CUL2: variants seen among roughly 807,000 people sequenced by gnomAD.
CUL2 encodes the protein cullin-2.
CUL2 carries 22 observed loss-of-function variants against 110.2 expected under a neutral mutation model. That is an observed-to-expected ratio of 0.20 (90% CI 0.14 to 0.28). The LOEUF is 0.28. CUL2 is among the 10% of genes least tolerant of loss of function. The pLI is 1.00. For missense variants in CUL2, 631 were observed against 905.5 expected, an observed-to-expected ratio of 0.70 and a Z score of 3.89; for synonymous variants, 279 against 293.2, an observed-to-expected ratio of 0.95 and a Z score of 0.49.
chr10:35,123,511 T>G (rs2087702087), intron 1 of CUL2, among the ~76,000 whole-genome samples: 2 of 152,198 alleles, frequency 1.3e-5, no homozygotes, highest in South Asian at 2.1e-4. Flanking sequence ...TGGATGCAAG[T>G]TTCTACAGGC....
At chr10:35,076,045 A>G (rs927567486) in intron 1 of CUL2, among the ~76,000 whole-genome samples, 1 of 152,184 alleles carries the variant, frequency 6.6e-6, no homozygotes, top group Non-Finnish European at 1.5e-5. Flanking sequence ...CAACTGATAA[A>G]TGGTTAAAAT....
chr10:35,022,431 T>C (rs2085225455), intron 17 of CUL2, among the ~76,000 whole-genome samples: 1 of 152,146 alleles, frequency 6.6e-6, no homozygotes, highest in Admixed American at 6.5e-5. Flanking sequence ...AGAAATAGAC[T>C]AGGCAAGAAT....
chr10:35,106,750 G>T (rs1489661980), intron 1 of CUL2, among the ~76,000 whole-genome samples: 1 of 152,108 alleles, frequency 6.6e-6, no homozygotes, highest in African/African-American at 2.4e-5. Flanking sequence ...AATTATGTCT[G>T]CATTGCCCTT....
At position 35,071,198 on chromosome 10, in the gene CUL2, C is replaced by T; in HGVS notation, c.119+1G>A. On this transcript the variant is annotated splice_donor_variant, in intron 2 of 20. Coordinates refer to ENST00000374749, the MANE Select transcript of CUL2 (RefSeq NM_003591.4). LOFTEE classifies it high-confidence loss of function. ...TGATCAAGCTGCCATTAAAAGGATA[C>T]GAGAAACGGTCATTCCATGTTGCTC... 6.2e-7 allele frequency: 1 copy of T among 1,612,474 alleles called. No individual in the cohort carries two copies. The highest frequency in any genetic ancestry group is 8.5e-7 in the Non-Finnish European group (1 of 1,179,090).
intron 8 of CUL2, among the ~76,000 whole-genome samples, chr10:35,041,952 A>G (rs937492739): frequency 2.6e-5 from 4 of 152,224 alleles, no homozygotes; most frequent in African/African-American, 9.6e-5. Context: ...ACCCATTTAA[A>G]GTGTGCAATT....
At chr10:35,060,544 T>A (rs1228021906) in intron 4 of CUL2, among the ~76,000 whole-genome samples, 2 of 152,236 alleles carry the variant, frequency 1.3e-5, no homozygotes, top group Non-Finnish European at 2.9e-5. Flanking sequence ...GCTGAGATTT[T>A]CCCACTAAGT....
At chr10:35,020,650 C>G (rs1252349485) in intron 17 of CUL2, among the ~76,000 whole-genome samples, 1 of 152,134 alleles carries the variant, frequency 6.6e-6, no homozygotes, top group Non-Finnish European at 1.5e-5. Flanking sequence ...AGCAACTGAC[C>G]AGCAATCTCT....
At chr10:35,095,663 A>C (rs1278867984) in intron 2 of CUL2, among the ~76,000 whole-genome samples, 1 of 152,080 alleles carries the variant, frequency 6.6e-6, no homozygotes, top group Non-Finnish European at 1.5e-5. Flanking sequence ...GGTTCAAGCC[A>C]TTCTCATGCC....
intron 19 of CUL2, among the ~76,000 whole-genome samples, chr10:35,012,915 C>T (rs1564692112): frequency 6.6e-6 from 1 of 152,124 alleles, no homozygotes; most frequent in Non-Finnish European, 1.5e-5. Flanking sequence ...AAGTCCCCTC[C>T]TCACACTGGC....
At chr10:35,044,896 C>A in intron 6 of CUL2, 28 bp from the exon 7 acceptor site, 1 of 1,525,590 alleles carries the variant, frequency 6.6e-7, no homozygotes, top group South Asian at 1.2e-5. Context: ...ACAAAATATT[C>A]TTGAGAATAC....
chr10:35,106,488 TTTTTTTTTTC>T (rs1019284326), intron 1 of CUL2, among the ~76,000 whole-genome samples: 25 of 106,400 alleles, frequency 2.3e-4, no homozygotes, highest in African/African-American at 7.6e-4. Flanking sequence ...CCCGGCTAAT[TTTTTTTTTTC>T]TTTTTTTTTC....
At chr10:35,119,282 A>G (rs903358135) in intron 1 of CUL2, among the ~76,000 whole-genome samples, 1 of 152,234 alleles carries the variant, frequency 6.6e-6, no homozygotes, top group Admixed American at 6.5e-5. Context: ...TCATTGGTTC[A>G]GTTATTTTAT....
chr10:35,114,685 G>A (rs1335404930), intron 1 of CUL2, among the ~76,000 whole-genome samples: 1 of 151,886 alleles, frequency 6.6e-6, no homozygotes, highest in Non-Finnish European at 1.5e-5. Context: ...CTGGCCCGCA[G>A]ACAAGTTTTT....
intron 1 of CUL2, among the ~76,000 whole-genome samples, chr10:35,121,760 T>C (rs1055020214): frequency 6.7e-6 from 1 of 149,234 alleles, no homozygotes; most frequent in Non-Finnish European, 1.5e-5. Context: ...CAGTGAACCA[T>C]GATCGCACTA....
intron 1 of CUL2, among the ~76,000 whole-genome samples, chr10:35,111,607 G>T (rs2087524745): frequency 6.6e-6 from 1 of 152,160 alleles, no homozygotes; most frequent in Non-Finnish European, 1.5e-5. Flanking sequence ...AGACATTCAG[G>T]CCAGGCGTGG....
chr10:35,026,822 T>A (rs1397258151), intron 16 of CUL2, among the ~76,000 whole-genome samples: 1 of 152,026 alleles, frequency 6.6e-6, no homozygotes. Flanking sequence ...ACTAAACTTA[T>A]TTTATTTTTT....
chr10:35,055,567 G>A (rs1200842801), intron 4 of CUL2, among the ~76,000 whole-genome samples: 1 of 152,082 alleles, frequency 6.6e-6, no homozygotes, highest in African/African-American at 2.4e-5. Flanking sequence ...TGTCTCTTAA[G>A]GAAATAATAA....
chr10:35,076,185 A>G (rs1414254532), intron 1 of CUL2, among the ~76,000 whole-genome samples: 1 of 152,092 alleles, frequency 6.6e-6, no homozygotes, highest in Admixed American at 6.6e-5. Context: ...ATAGCCACAT[A>G]ACGTATGAAT....
intron 1 of CUL2, among the ~76,000 whole-genome samples, chr10:35,121,992 G>A (rs774463945): frequency 1.4e-4 from 22 of 152,106 alleles, no homozygotes; most frequent in Non-Finnish European, 2.5e-4. Flanking sequence ...CCAAAAGCAC[G>A]TAAACACACA....
Sources: gnomAD v4.1 joint callset for allele counts (sites outside exome capture counted in the v4.1 genomes callset) on GRCh38, gnomAD v4.1.1 for gene constraint, MANE v1.5 for transcripts, NCBI Gene and HGNC (gene_info 2026-07-23, HGNC 2026-07-21) for gene names.